The following CNTNAP2 variants were observed in gnomAD, a reference collection of about 807,000 sequenced individuals.
CNTNAP2 encodes the protein contactin-associated protein-like 2.
Under a neutral mutation model 155.2 loss-of-function variants are expected in CNTNAP2, and 98 were observed. The ratio of observed to expected loss-of-function variants is 0.63; its 90% CI spans 0.54 to 0.75. The LOEUF (loss-of-function observed/expected upper bound fraction) is 0.75, where lower values mean the gene tolerates loss of function less well. CNTNAP2 is among the 30% of genes least tolerant of loss of function. The pLI, the probability that CNTNAP2 is intolerant of heterozygous loss-of-function variation, is 0.00. For synonymous variants in CNTNAP2, 651 were observed against 631.2 expected (o/e 1.03, Z -0.47); for missense variants, 1,727 against 1,688.1 (o/e 1.02, Z -0.40).
At chr7:147,727,406 A>G (rs905781678) in intron 13 of CNTNAP2, among the ~76,000 whole-genome samples, 2 of 152,056 alleles carry the variant, frequency 1.3e-5, no homozygotes, top group Non-Finnish European at 2.9e-5. Flanking sequence ...GTTAATTCCA[A>G]TCCTTAATCT....
chr7:146,151,945 A>T (rs974327877), intron 1 of CNTNAP2, among the ~76,000 whole-genome samples: 5 of 151,462 alleles, frequency 3.3e-5, no homozygotes, highest in Non-Finnish European at 7.4e-5. Flanking sequence ...CATTGAGGGA[A>T]ACAGTATGGA....
At chr7:148,195,972 T>C (rs1278643121) in intron 18 of CNTNAP2, among the ~76,000 whole-genome samples, 2 of 152,232 alleles carry the variant, frequency 1.3e-5, no homozygotes, top group Non-Finnish European at 2.9e-5. Flanking sequence ...TTAGTGGGAA[T>C]TTATAAATGC....
At chr7:146,529,393 A>G (rs1220499540) in intron 1 of CNTNAP2, among the ~76,000 whole-genome samples, 2 of 152,184 alleles carry the variant, frequency 1.3e-5, no homozygotes, top group Non-Finnish European at 2.9e-5. Context: ...AGGGGTTCCT[A>G]ACATGAGGTC....
chr7:146,796,013 A>G (rs1802762125), intron 2 of CNTNAP2, among the ~76,000 whole-genome samples: 1 of 152,254 alleles, frequency 6.6e-6, no homozygotes, highest in Non-Finnish European at 1.5e-5. Context: ...AAGAAAAATC[A>G]TAATGTTGAT....
intron 8 of CNTNAP2, among the ~76,000 whole-genome samples, chr7:147,288,284 A>T (rs144342486): frequency 6.6e-6 from 1 of 152,318 alleles, no homozygotes; most frequent in East Asian, 1.9e-4. Flanking sequence ...GTCTTTGCAC[A>T]CAAGAATATA....
chr7:148,191,549 C>T (rs1330171670), intron 18 of CNTNAP2, among the ~76,000 whole-genome samples: 4 of 152,172 alleles, frequency 2.6e-5, no homozygotes, highest in African/African-American at 9.7e-5. Flanking sequence ...TCTCACATTT[C>T]TAGAGGCTGG....
chr7:148,121,279 C>T (rs1433103790), intron 16 of CNTNAP2, among the ~76,000 whole-genome samples: 4 of 152,088 alleles, frequency 2.6e-5, no homozygotes, highest in South Asian at 2.1e-4. Flanking sequence ...GTGATCCACC[C>T]GCGTCGGCCT....
chr7:146,878,056 A>G (rs1365633667), intron 3 of CNTNAP2, among the ~76,000 whole-genome samples: 1 of 152,096 alleles, frequency 6.6e-6, no homozygotes, highest in African/African-American at 2.4e-5. Flanking sequence ...TGGAAACACA[A>G]TTTACTTTAT....
intron 9 of CNTNAP2, among the ~76,000 whole-genome samples, chr7:147,327,841 G>A (rs1440562003): frequency 3.3e-5 from 5 of 152,056 alleles, no homozygotes; most frequent in African/African-American, 9.7e-5. Flanking sequence ...TTGGGGTAAG[G>A]ATTTAAAAGC....
At chr7:147,231,530 T>C (rs1195557449) in intron 8 of CNTNAP2, among the ~76,000 whole-genome samples, 3 of 152,248 alleles carry the variant, frequency 2.0e-5, no homozygotes, top group African/African-American at 7.2e-5. Flanking sequence ...ATAGTGGCTG[T>C]ACAAATTTAC....
intron 1 of CNTNAP2, among the ~76,000 whole-genome samples, chr7:146,168,423 TTCCC>T (rs1798343586): frequency 6.6e-6 from 1 of 152,168 alleles, no homozygotes; most frequent in Non-Finnish European, 1.5e-5. Flanking sequence ...TGCTCATACA[TTCCC>T]TATCCTACAG....
chr7:147,339,995 T>C (rs1795733213), intron 9 of CNTNAP2, among the ~76,000 whole-genome samples: 1 of 152,198 alleles, frequency 6.6e-6, no homozygotes, highest in Non-Finnish European at 1.5e-5. Flanking sequence ...GGACTTTTCA[T>C]GTCCAGCTAA....
At chr7:146,934,306 T>C (rs528671722) in intron 3 of CNTNAP2, among the ~76,000 whole-genome samples, 5 of 151,870 alleles carry the variant, frequency 3.3e-5, no homozygotes, top group South Asian at 4.2e-4. Flanking sequence ...ATGGATGAAA[T>C]TGGAAATCAT....
intron 11 of CNTNAP2, among the ~76,000 whole-genome samples, chr7:147,560,939 C>T (rs1800050829): frequency 6.6e-6 from 1 of 151,290 alleles, no homozygotes; most frequent in African/African-American, 2.4e-5. Flanking sequence ...CAGAATCAGA[C>T]CACCCATGAA....
At chr7:146,997,238 G>A (rs765333029) in intron 3 of CNTNAP2, among the ~76,000 whole-genome samples, 46 of 151,988 alleles carry the variant, frequency 3.0e-4, no homozygotes, top group Non-Finnish European at 5.3e-4. Context: ...TTATGTTGAG[G>A]TATTTGTCTA....
chr7:147,071,325 C>CAAAAAA (rs57444105), intron 4 of CNTNAP2, among the ~76,000 whole-genome samples: 6,318 of 132,614 alleles, frequency 0.048, 381 homozygotes, highest in African/African-American at 0.14. Context: ...GATTATCCTG[C>CAAAAAA]AAAAAAAAAA....
intron 13 of CNTNAP2, among the ~76,000 whole-genome samples, chr7:147,668,390 A>C (rs1192824403): frequency 6.6e-6 from 1 of 152,216 alleles, no homozygotes; most frequent in African/African-American, 2.4e-5. Context: ...AAAGAGTGAC[A>C]CATCTTTAAA....
intron 21 of CNTNAP2, among the ~76,000 whole-genome samples, chr7:148,310,278 A>T (rs1585261623): frequency 6.6e-6 from 1 of 152,180 alleles, no homozygotes; most frequent in African/African-American, 2.4e-5. Flanking sequence ...GGCCAGATTG[A>T]TTTAGGTAAA....
At chr7:148,162,997 A>G (rs966626533) in intron 17 of CNTNAP2, among the ~76,000 whole-genome samples, 4 of 152,038 alleles carry the variant, frequency 2.6e-5, no homozygotes, top group African/African-American at 9.7e-5. Context: ...AAACTGTGCC[A>G]AAAAAAATAA....
Sources: allele counts gnomAD v4.1 joint callset (sites outside exome capture counted in the v4.1 genomes callset), GRCh38; gene constraint gnomAD v4.1.1; transcripts MANE v1.5; gene names NCBI Gene and HGNC (gene_info 2026-07-23, HGNC 2026-07-21).